LMBRD1: variants seen among roughly 807,000 people sequenced by gnomAD.
The protein encoded by LMBRD1 is lysosomal cobalamin transport escort protein LMBD1.
Under a neutral mutation model 74.8 loss-of-function variants are expected in LMBRD1, and 64 were observed. That is an observed-to-expected ratio of 0.86 (90% CI 0.70 to 1.05). The LOEUF is 1.05. LMBRD1 is among the 50% of genes least tolerant of loss of function. The probability of loss-of-function intolerance (pLI) is 0.00; values close to 1 mark genes in which losing one functional copy is unlikely to be tolerated. For missense variants in LMBRD1, 652 were observed against 645.9 expected, an observed-to-expected ratio of 1.01 and a Z score of -0.10; for synonymous variants, 204 against 216.3, an observed-to-expected ratio of 0.94 and a Z score of 0.50.
At position 69,791,599 on chromosome 6, in the gene LMBRD1, CTTTTT is replaced by C. The variant is rs540520008; in HGVS notation, c.70-1132_70-1128del. 1.4e-4 allele frequency among the ~76,000 whole-genome samples: 22 copies of C among 152,292 alleles called. No individual in the cohort carries two copies. The South Asian group carries it at 4.1e-3, about 29-fold the overall frequency. ...TTAAAAGCCTTGTTTTGACCTTTCA[CTTTTT>C]CAACAGCGGTTACTTTCTTTCTGAG... On this transcript the variant is annotated intron_variant, in intron 1 of 15. Transcript: ENST00000649934.
chr6:69,753,717 A>C (rs1765211945), intron 3 of LMBRD1, among the ~76,000 whole-genome samples: 1 of 152,088 alleles, frequency 6.6e-6, no homozygotes, highest in Non-Finnish European at 1.5e-5. Flanking sequence ...AGAGAGGCAA[A>C]ATGTGGTATA....
intron 3 of LMBRD1, among the ~76,000 whole-genome samples, chr6:69,764,508 A>G (rs1414022903): frequency 6.6e-6 from 1 of 152,234 alleles, no homozygotes; most frequent in Admixed American, 6.5e-5. Context: ...GCCTTAACTA[A>G]TAAGACAGCA....
chr6:69,796,996 G>T lies in LMBRD1; in HGVS notation c.-115C>A. The T allele has an allele frequency of 1.1e-6, 1 of 894,736 alleles. No homozygotes were observed. Among genetic ancestry groups the T allele is most frequent in the East Asian group, 2.6e-5 (1 of 37,854 alleles). The allele number at this position is 894,736 out of a possible 1,614,324, so 55.4% of individuals were successfully genotyped here. On this transcript the variant is annotated 5_prime_UTR_variant, in exon 1 of 16. Coordinates refer to ENST00000649934, the MANE Select transcript of LMBRD1 (RefSeq NM_018368.4). ...GCACCCTAAAGGTTAAAGGGGCGGA[G>T]GGGGAGGAGCAAGTGGTTGCCAAGG...
intron 14 of LMBRD1, among the ~76,000 whole-genome samples, chr6:69,695,751 C>A (rs1052948852): frequency 5.9e-5 from 9 of 152,016 alleles, no homozygotes; most frequent in African/African-American, 1.9e-4. Context: ...TAACTGTATA[C>A]CCAACTGCTT....
intron 9 of LMBRD1, among the ~76,000 whole-genome samples, chr6:69,707,141 C>T (rs1216022050): frequency 6.6e-6 from 1 of 152,156 alleles, no homozygotes; most frequent in African/African-American, 2.4e-5. Flanking sequence ...TTTCTTAAGG[C>T]TGCTTGCATT....
At chr6:69,728,549 C>A (rs1242195810) in intron 7 of LMBRD1, among the ~76,000 whole-genome samples, 2 of 152,114 alleles carry the variant, frequency 1.3e-5, no homozygotes, top group East Asian at 3.9e-4. Flanking sequence ...GATTAGGTTC[C>A]CTGAATGCAC....
At chr6:69,716,630 C>A (rs1316706282) in intron 8 of LMBRD1, among the ~76,000 whole-genome samples, 2 of 152,050 alleles carry the variant, frequency 1.3e-5, no homozygotes, top group African/African-American at 4.8e-5. Context: ...TGACATAATT[C>A]TTCAAGCTAC....
chr6:69,740,981 A>C (rs1233134494), intron 6 of LMBRD1, among the ~76,000 whole-genome samples: 1 of 152,120 alleles, frequency 6.6e-6, no homozygotes, highest in Non-Finnish European at 1.5e-5. Context: ...CTAGAAAAGC[A>C]ATGCCAAAAT....
chr6:69,764,465 GT>G (rs1765439043), intron 3 of LMBRD1, among the ~76,000 whole-genome samples: 1 of 152,046 alleles, frequency 6.6e-6, no homozygotes, highest in Non-Finnish European at 1.5e-5. Context: ...ATACATGTTC[GT>G]TAAGACTCCC....
intron 14 of LMBRD1, among the ~76,000 whole-genome samples, chr6:69,677,440 G>A (rs1461569848): frequency 6.6e-6 from 1 of 152,070 alleles, no homozygotes; most frequent in Non-Finnish European, 1.5e-5. Flanking sequence ...GGAAAAGTGG[G>A]GTTCTAATTT....
At chr6:69,715,086 C>A (rs73745758) in intron 8 of LMBRD1, among the ~76,000 whole-genome samples, 2 of 151,812 alleles carry the variant, frequency 1.3e-5, no homozygotes, top group Non-Finnish European at 2.9e-5. Context: ...TCCCAGAAAA[C>A]GAAAACTAAG....
chr6:69,765,973 G>A (rs1021525505), intron 3 of LMBRD1, among the ~76,000 whole-genome samples: 1 of 151,748 alleles, frequency 6.6e-6, no homozygotes, highest in African/African-American at 2.4e-5. Flanking sequence ...ATTACTCACT[G>A]GTTGTATTTG....
intron 9 of LMBRD1, among the ~76,000 whole-genome samples, chr6:69,706,523 T>C (rs996163238): frequency 3.9e-5 from 6 of 152,184 alleles, no homozygotes; most frequent in African/African-American, 9.7e-5. Flanking sequence ...AATAATACGA[T>C]CAACTTTTGT....
In LMBRD1 at chr6:69,676,175, A is replaced by AGG; in HGVS notation, c.1604_1605dup (p.Ser536ProfsTer12). Reference sequence around the variant, plus strand: ...GAAGGCTGTCAAGCAGAATAGACAGAGGGCTCATCATCACTTATGTCTGAA... The same window carrying AGG: ...GAAGGCTGTCAAGCAGAATAGACAGAGGGGGCTCATCATCACTTATGTCTGAA... On this transcript the variant is annotated frameshift_variant, in exon 16 of 16. Transcript: ENST00000649934. LOFTEE classifies it high-confidence loss of function. 1 of 1,612,744 alleles carries AGG rather than the reference A, an allele frequency of 6.2e-7. No homozygotes were observed. Among genetic ancestry groups the AGG allele is most frequent in the Non-Finnish European group, 8.5e-7 (1 of 1,179,018 alleles).
intron 7 of LMBRD1, among the ~76,000 whole-genome samples, chr6:69,724,282 C>T (rs1029361257): frequency 2.8e-5 from 4 of 144,920 alleles, no homozygotes; most frequent in African/African-American, 7.6e-5. Context: ...CTCCAAAATA[C>T]GGAGGAGGAG....
chr6:69,715,602 C>CT (rs1352615938), intron 8 of LMBRD1, among the ~76,000 whole-genome samples: 1 of 152,148 alleles, frequency 6.6e-6, no homozygotes, highest in African/African-American at 2.4e-5. Context: ...TTCACACTGT[C>CT]TGTCTCCAAT....
chr6:69,736,717 A>G (rs561048077), intron 7 of LMBRD1, among the ~76,000 whole-genome samples: 1 of 152,302 alleles, frequency 6.6e-6, no homozygotes, highest in East Asian at 1.9e-4. Flanking sequence ...AACATTTTCT[A>G]TTTCCATTTA....
rs3799108 is a variant in LMBRD1, at chr6:69,697,866, G to T, written c.1339-225C>A. Among the ~76,000 whole-genome samples the T allele has an allele frequency of 7.0e-3, 1,067 of 152,044 alleles. 22 individuals are homozygous for T. The East Asian group carries it at 0.079, about 11-fold the overall frequency. On this transcript the variant is annotated intron_variant, in intron 13 of 15. Transcript: ENST00000649934. ...CTTTAGGTCCTGTGTTGAACAACAT[G>T]GCTTCTTCCCAGAACAAACAAATTC...
intron 7 of LMBRD1, among the ~76,000 whole-genome samples, chr6:69,723,340 C>A (rs908437594): frequency 6.6e-6 from 1 of 152,140 alleles, no homozygotes; most frequent in Admixed American, 6.5e-5. Flanking sequence ...ATTTAAAGAA[C>A]ATTTCATCCA....
Sources: allele counts gnomAD v4.1 joint callset (sites outside exome capture counted in the v4.1 genomes callset), GRCh38; gene constraint gnomAD v4.1.1; transcripts MANE v1.5; gene names NCBI Gene and HGNC (gene_info 2026-07-23, HGNC 2026-07-21).